Variants in ZNF148 observed in about 807,000 individuals in gnomAD.
The protein encoded by ZNF148 is zinc finger protein 148.
ZNF148 carries 7 observed loss-of-function variants against 67.7 expected under a neutral mutation model. The observed-to-expected ratio is 0.10, with a 90% confidence interval of 0.06 to 0.19. ZNF148 has a LOEUF of 0.19. Among genes scored for constraint, ZNF148 ranks in the 10% least tolerant of loss-of-function variants. The pLI, the probability that ZNF148 is intolerant of heterozygous loss-of-function variation, is 1.00. For synonymous variants in ZNF148, 333 were observed against 330.7 expected (o/e 1.01, Z -0.08); for missense variants, 583 against 947.1 (o/e 0.62, Z 5.05).
chr3:125,361,790 GCCACTGTAC>G (rs1293667235), intron 1 of ZNF148, among the ~76,000 whole-genome samples: 4 of 151,072 alleles, frequency 2.6e-5, no homozygotes, highest in Admixed American at 2.6e-4. Context: ...CCAAGATTAT[GCCACTGTAC>G]TGCAGCCTGG....
At position 125,313,480 on chromosome 3, in the gene ZNF148, T is replaced by C; in HGVS notation, c.161A>G (p.His54Arg). ...TTCATCTGCAGCAAGGATCTCCTGG[T>C]GAGGCATACTTCGATCTTGAAGTAC... ...DSVLQDRSMP[H>R]QEILAADEVL... is the part of the protein sequence containing the mutation. Residue 54 changes from histidine to arginine, a missense_variant, in exon 4 of 9, where the codon CAC becomes CGC. Physicochemically the swap from His to Arg is conservative, Grantham distance 29. Coordinates refer to ENST00000360647, the MANE Select transcript of ZNF148 (RefSeq NM_021964.3). The C allele has an allele frequency of 6.2e-7, 1 of 1,614,188 alleles. No individual in the cohort carries two copies. Among genetic ancestry groups the C allele is most frequent in the East Asian group, 2.2e-5 (1 of 44,876 alleles).
chr3:125,279,964 T>A (rs571652233), intron 5 of ZNF148, among the ~76,000 whole-genome samples: 1 of 152,218 alleles, frequency 6.6e-6, no homozygotes, highest in African/African-American at 2.4e-5. Context: ...TTAACACATT[T>A]TTTTGAACCA....
At chr3:125,369,384 CAAAAAAAAAA>C (rs759752715) in intron 1 of ZNF148, among the ~76,000 whole-genome samples, 3 of 47,518 alleles carry the variant, frequency 6.3e-5, no homozygotes, top group Non-Finnish European at 1.1e-4. Flanking sequence ...ACTGCAACCT[CAAAAAAAAAA>C]AAAAAAAAAA....
chr3:125,260,858 GA>G lies in ZNF148; in HGVS notation c.667+16867del, dbSNP rs146093183. 1.5e-3 allele frequency among the ~76,000 whole-genome samples: 229 copies of G among 152,182 alleles called. 1 individual carries two copies. Among genetic ancestry groups the G allele is most frequent in the African/African-American group, 5.4e-3 (225 of 41,530 alleles). Reference sequence around the variant, plus strand: ...CTAAACATACTTAAACAAAACATTGGAAAAAATCCTGAGCTTTTTTGCAAAA... The same window carrying G: ...CTAAACATACTTAAACAAAACATTGGAAAAATCCTGAGCTTTTTTGCAAAA... On this transcript the variant is annotated intron_variant, in intron 7 of 8. Coordinates refer to ENST00000360647, the MANE Select transcript of ZNF148 (RefSeq NM_021964.3).
intron 1 of ZNF148, chr3:125,344,260 C>G: frequency 2.5e-6 from 1 of 397,934 alleles, no homozygotes. Flanking sequence ...CATCCCACTA[C>G]CACCAAACGA....
In ZNF148 at chr3:125,233,599, G is replaced by A. The variant is rs892489287; in HGVS notation, c.1127C>T (p.Ser376Leu). The stretch of plus-strand genomic sequence containing the variant: ...TTCTCCTGACGCATCTTCTAAATGC[G>A]AGCCCCCAACTGACGAATGTGGCAT... ...VEMPHSSVGG[S>L]HLEDASGEIH... Residue 376 changes from serine (S) to leucine (L), a missense_variant, in exon 9 of 9, where the codon TCG becomes TTG. This residue lies in a region of ZNF148 where 172 missense variants were observed against 307.7 expected (regional missense o/e 0.56). Coordinates refer to ENST00000360647, the MANE Select transcript of ZNF148 (RefSeq NM_021964.3). This position sits in a 1 kb window ranked among gnomAD's most constrained non-coding sequence, Gnocchi z 5.1. 7 of 1,613,748 alleles carry A rather than the reference G, an allele frequency of 4.3e-6. No individual in the cohort carries two copies. The highest frequency in any genetic ancestry group is 5.9e-6 in the Non-Finnish European group (7 of 1,179,918).
chr3:125,292,113 A>T (rs537836537), intron 4 of ZNF148, among the ~76,000 whole-genome samples: 3 of 152,324 alleles, frequency 2.0e-5, no homozygotes, highest in Non-Finnish European at 2.9e-5. Flanking sequence ...ATGTAACCAG[A>T]CAACAGGAAG....
intron 4 of ZNF148, among the ~76,000 whole-genome samples, chr3:125,305,112 A>G (rs1468395568): frequency 6.6e-6 from 1 of 152,238 alleles, no homozygotes. Context: ...GTGATAAGGA[A>G]TAACTTTATA....
At chr3:125,313,739 G>T in intron 3 of ZNF148, 83 bp from the exon 4 acceptor site, 2 of 1,120,610 alleles carry the variant, frequency 1.8e-6, no homozygotes, top group South Asian at 1.7e-5. Context: ...TTAAGAATTT[G>T]AACATTCAAA....
At chr3:125,366,678 T>C (rs1241489850) in intron 1 of ZNF148, among the ~76,000 whole-genome samples, 1 of 152,226 alleles carries the variant, frequency 6.6e-6, no homozygotes, top group Non-Finnish European at 1.5e-5. Context: ...AAGTGTGACA[T>C]GTATTTCTTA....
chr3:125,265,445 T>C (rs1937513426), intron 7 of ZNF148, among the ~76,000 whole-genome samples: 1 of 152,244 alleles, frequency 6.6e-6, no homozygotes, highest in African/African-American at 2.4e-5. Context: ...CACGGAATCC[T>C]AACATTTTAA....
chr3:125,242,343 G>A (rs181784078), intron 7 of ZNF148, among the ~76,000 whole-genome samples: 387 of 152,256 alleles, frequency 2.5e-3, no homozygotes, highest in Non-Finnish European at 4.2e-3. Flanking sequence ...TCATATGGCC[G>A]GGTGCAGTGG....
intron 1 of ZNF148, among the ~76,000 whole-genome samples, chr3:125,361,326 C>T (rs1942535317): frequency 6.6e-6 from 1 of 152,092 alleles, no homozygotes; most frequent in Non-Finnish European, 1.5e-5. Flanking sequence ...CTCACTGAAA[C>T]CATTCCTTCT....
chr3:125,275,218 GAACTTTTCTTTGTT>G (rs1400280410), intron 7 of ZNF148, among the ~76,000 whole-genome samples: 1 of 152,160 alleles, frequency 6.6e-6, no homozygotes, highest in Non-Finnish European at 1.5e-5. Context: ...CTCTTCAAAA[GAACTTTTCTTTGTT>G]AAGGAACCCT....
chr3:125,253,852 G>A (rs1936956261), intron 7 of ZNF148, among the ~76,000 whole-genome samples: 2 of 152,120 alleles, frequency 1.3e-5, no homozygotes, highest in South Asian at 4.1e-4. Flanking sequence ...ATGTTGATAA[G>A]ACAGAAATAG....
chr3:125,303,241 G>C (rs1019717330), intron 4 of ZNF148, among the ~76,000 whole-genome samples: 6 of 152,160 alleles, frequency 3.9e-5, no homozygotes, highest in African/African-American at 1.2e-4. Flanking sequence ...GTGACTATAG[G>C]GGGTAGCACC....
chr3:125,368,583 T>C (rs1942770945), intron 1 of ZNF148, among the ~76,000 whole-genome samples: 2 of 152,226 alleles, frequency 1.3e-5, no homozygotes, highest in Admixed American at 1.3e-4. Context: ...AAAATCAAAA[T>C]TTCAAAGTAA....
chr3:125,260,190 T>C (rs1937273616), intron 7 of ZNF148, among the ~76,000 whole-genome samples: 1 of 152,128 alleles, frequency 6.6e-6, no homozygotes, highest in African/African-American at 2.4e-5. Flanking sequence ...TGAAAAGGTC[T>C]GAAATATTGA....
chr3:125,328,582 T>C (rs1941131716), intron 2 of ZNF148, among the ~76,000 whole-genome samples: 1 of 151,896 alleles, frequency 6.6e-6, no homozygotes, highest in Non-Finnish European at 1.5e-5. Flanking sequence ...ACACTATGTA[T>C]GTGTCAAGCA....
Sources: allele counts gnomAD v4.1 joint callset (sites outside exome capture counted in the v4.1 genomes callset), GRCh38; gene constraint gnomAD v4.1.1; regional missense constraint gnomAD v4.1.1; non-coding constraint Gnocchi (gnomAD v3.1); transcripts MANE v1.5; gene names NCBI Gene and HGNC (gene_info 2026-07-23, HGNC 2026-07-21).